The following FBXL2 variants were observed in gnomAD, a reference collection of about 807,000 sequenced individuals.
The protein encoded by FBXL2 is F-box and leucine rich repeat protein 2.
Under a neutral mutation model 69.2 loss-of-function variants are expected in FBXL2, and 38 were observed. The observed-to-expected ratio is 0.55, with a 90% CI of 0.42 to 0.72. FBXL2 has a LOEUF of 0.72. FBXL2 is among the 30% of genes least tolerant of loss of function. The probability of loss-of-function intolerance (pLI) is 0.00; values close to 1 mark genes in which losing one functional copy is unlikely to be tolerated. For synonymous variants in FBXL2, 192 were observed against 201.3 expected (o/e 0.95, Z 0.39); for missense variants, 354 against 520.3 (o/e 0.68, Z 3.11).
chr3:33,370,946 T>C (rs2042258461), intron 5 of FBXL2, among the ~76,000 whole-genome samples: 1 of 150,592 alleles, frequency 6.6e-6, no homozygotes, highest in African/African-American at 2.4e-5. Context: ...TTTTTCCTTC[T>C]TCCTCTGTCT....
intron 12 of FBXL2, chr3:33,403,148 T>C (rs2044294466): frequency 4.8e-6 from 2 of 415,322 alleles, no homozygotes; most frequent in East Asian, 1.1e-4. Flanking sequence ...GCAGCAAAAA[T>C]TTATAAAGGC....
At chr3:33,403,537 C>T (rs2044316076) in exon 13 of FBXL2, 1 of 148,264 alleles carries the variant, frequency 6.7e-6, no homozygotes, top group African/African-American at 2.5e-5. Context: ...GTCTGTCTAT[C>T]TAATCTATCT....
Position 33,385,619 on chromosome 3 carries a change from C to T in FBXL2, c.*11C>T. ...TGTGTCATTCTCTGACAGCAGCTGC[C>T]TGGGCCCAAGGGGTGATGAGGCATC... On this transcript the variant is annotated 3_prime_UTR_variant, in exon 15 of 15. Coordinates refer to ENST00000484457, the MANE Select transcript of FBXL2 (RefSeq NM_012157.5). The T allele has an allele frequency of 1.9e-6, 3 of 1,610,872 alleles. No homozygotes were observed. Among genetic ancestry groups the T allele is most frequent in the South Asian group, 2.2e-5 (2 of 90,986 alleles).
chr3:33,353,537 G>A lies in FBXL2; in HGVS notation c.66-5430G>A, dbSNP rs558042894. On this transcript the variant is annotated intron_variant, in intron 2 of 14. Transcript: ENST00000484457. Reference sequence around the variant, plus strand: ...AAAAGAAGCCAGTCTGAACGGTTACGTAGTGTTTGATTCCAATCATATGGC... The same window carrying A: ...AAAAGAAGCCAGTCTGAACGGTTACATAGTGTTTGATTCCAATCATATGGC... Among the ~76,000 whole-genome samples the A allele has an allele frequency of 5.3e-5, 8 of 152,302 alleles. No individual in the cohort carries two copies. The South Asian group carries it at 8.3e-4, about 16-fold the overall frequency.
intron 2 of FBXL2, among the ~76,000 whole-genome samples, chr3:33,324,289 A>C (rs1287442608): frequency 6.6e-6 from 1 of 152,176 alleles, no homozygotes; most frequent in Non-Finnish European, 1.5e-5. Flanking sequence ...TTTGCTGTGC[A>C]GAAGCTTTTT....
chr3:33,421,233 G>T, the FBXL2 span, among the ~76,000 whole-genome samples: 1 of 146,102 alleles, frequency 6.8e-6, no homozygotes, highest in Non-Finnish European at 1.5e-5. Flanking sequence ...TAAAGTCAGG[G>T]ACTTAACTCC....
At chr3:33,358,483 T>A (rs2041376057) in intron 2 of FBXL2, among the ~76,000 whole-genome samples, 1 of 152,326 alleles carries the variant, frequency 6.6e-6, no homozygotes, top group African/African-American at 2.4e-5. Context: ...TGGCTTTTGC[T>A]TAGGAAAAAC....
chr3:33,342,711 C>CTTTTTTTTTTTTTTTTTTTT (rs71070130), intron 2 of FBXL2, among the ~76,000 whole-genome samples: 1 of 37,912 alleles, frequency 2.6e-5, no homozygotes, highest in African/African-American at 1.1e-4. Flanking sequence ...AATATAACTT[C>CTTTTTTTTTTTTTTTTTTTT]TTTTTTTTTT....
intron 12 of FBXL2, chr3:33,393,602 TCCC>T (rs1316372655): frequency 7.6e-6 from 5 of 657,406 alleles, no homozygotes; most frequent in Non-Finnish European, 2.3e-6. Flanking sequence ...ACTATTTCTT[TCCC>T]CCATCTTACT....
chr3:33,382,311 TC>T (rs2043117790), intron 13 of FBXL2, among the ~76,000 whole-genome samples: 2 of 152,162 alleles, frequency 1.3e-5, no homozygotes, highest in African/African-American at 2.4e-5. Flanking sequence ...GGTGTATAGA[TC>T]AATGCATTTC....
intron 12 of FBXL2, among the ~76,000 whole-genome samples, chr3:33,394,193 TA>T (rs2043876804): frequency 8.0e-5 from 5 of 62,738 alleles, no homozygotes; most frequent in East Asian, 1.2e-3. Context: ...GGCTAATTTT[TA>T]TTATTATTAT....
chr3:33,348,449 C>T (rs1383078925), intron 2 of FBXL2, among the ~76,000 whole-genome samples: 1 of 152,058 alleles, frequency 6.6e-6, no homozygotes, highest in Admixed American at 6.6e-5. Flanking sequence ...GTGATTCCTC[C>T]AGTTTTGTTC....
At chr3:33,418,380 G>A in the FBXL2 span, among the ~76,000 whole-genome samples, 1 of 151,912 alleles carries the variant, frequency 6.6e-6, no homozygotes, top group African/African-American at 2.4e-5. Context: ...TTGGACTCCT[G>A]AGTACCTGGG....
intron 12 of FBXL2, among the ~76,000 whole-genome samples, chr3:33,393,841 C>T (rs956893460): frequency 3.3e-5 from 5 of 152,148 alleles, no homozygotes; most frequent in Admixed American, 2.0e-4. Context: ...GGAACTCAAA[C>T]TGAATTTTGA....
intron 1 of FBXL2, among the ~76,000 whole-genome samples, chr3:33,287,815 C>A (rs1000021124): frequency 6.6e-6 from 1 of 152,168 alleles, no homozygotes; most frequent in African/African-American, 2.4e-5. Context: ...GTGCCCAGTG[C>A]CTGGCACAAA....
At chr3:33,340,929 GT>G (rs2039974778) in intron 2 of FBXL2, among the ~76,000 whole-genome samples, 1 of 147,378 alleles carries the variant, frequency 6.8e-6, no homozygotes, top group African/African-American at 2.5e-5. Context: ...AGAAGAGGAA[GT>G]ATTTAAATTG....
intron 2 of FBXL2, among the ~76,000 whole-genome samples, chr3:33,358,652 C>T (rs2041390457): frequency 6.6e-6 from 1 of 152,180 alleles, no homozygotes; most frequent in Non-Finnish European, 1.5e-5. Context: ...CAAAAGAGGG[C>T]TTATGCTAGA....
In FBXL2 at chr3:33,359,012, G is replaced by T; in HGVS notation, c.111G>T (p.Gln37His). The T allele has an allele frequency of 6.5e-7, 1 of 1,549,146 alleles. No homozygotes were observed. Among genetic ancestry groups the T allele is most frequent in the Non-Finnish European group, 8.8e-7 (1 of 1,142,010 alleles). ...TAGTAACTTTGTGCCGATGTGCACA[G>T]ATTTCCAAGGTAGAGTATTCACCAG... is the stretch of plus-strand genomic sequence containing the variant. ...LDIVTLCRCA[Q>H]ISKAWNILAL... Residue 37 changes from glutamine (Q) to histidine (H), a missense_variant, in exon 3 of 15, where the codon CAG becomes CAT. Transcript: ENST00000484457.
At chr3:33,299,921 C>G (rs368267549) in intron 2 of FBXL2, among the ~76,000 whole-genome samples, 1 of 152,004 alleles carries the variant, frequency 6.6e-6, no homozygotes, top group Admixed American at 6.6e-5. Context: ...CGCTGTGTCC[C>G]GGTGGGCAGA....
Sources: allele counts gnomAD v4.1 joint callset (sites outside exome capture counted in the v4.1 genomes callset), GRCh38; gene constraint gnomAD v4.1.1; transcripts MANE v1.5; gene names NCBI Gene and HGNC (gene_info 2026-07-23, HGNC 2026-07-21).